The following GABRG2 variants were observed in gnomAD, a reference collection of about 807,000 sequenced individuals.
GABRG2 encodes the protein gamma-aminobutyric acid receptor subunit gamma-2.
A neutral mutation model predicts 56.4 loss-of-function variants in GABRG2; 16 were observed. That is an observed-to-expected ratio of 0.28 (90% CI 0.19 to 0.43). GABRG2 has a LOEUF of 0.43. GABRG2 is among the 20% of genes least tolerant of loss of function. The pLI, the probability that GABRG2 is intolerant of heterozygous loss-of-function variation, is 1.00. For missense variants in GABRG2, 327 were observed against 582.7 expected (o/e 0.56, Z 4.52); for synonymous variants, 208 against 205.5 (o/e 1.01, Z -0.10).
chr5:162,079,416 A>T (rs1025907753), intron 1 of GABRG2, among the ~76,000 whole-genome samples: 1 of 151,912 alleles, frequency 6.6e-6, no homozygotes, highest in African/African-American at 2.4e-5. Context: ...AAAATTAGAG[A>T]TTGTAGTTTA....
intron 8 of GABRG2, chr5:162,150,321 A>G (rs956857592): frequency 3.9e-5 from 6 of 152,218 alleles, no homozygotes; most frequent in African/African-American, 1.4e-4. Flanking sequence ...GTTGGTGATG[A>G]TAGTTGATTT....
chr5:162,113,536 A>G (rs1253138846), intron 6 of GABRG2, among the ~76,000 whole-genome samples: 1 of 152,200 alleles, frequency 6.6e-6, no homozygotes, highest in Non-Finnish European at 1.5e-5. Context: ...CTTTCTTTAG[A>G]AACACTGGAG....
intron 1 of GABRG2, among the ~76,000 whole-genome samples, chr5:162,080,675 T>TA (rs2113194286): frequency 6.6e-6 from 1 of 152,244 alleles, no homozygotes; most frequent in East Asian, 1.9e-4. Context: ...AAAGTGTACC[T>TA]ATATGATCTG....
At chr5:162,089,629 A>C (rs1760408249) in intron 1 of GABRG2, among the ~76,000 whole-genome samples, 1 of 152,202 alleles carries the variant, frequency 6.6e-6, no homozygotes, top group African/African-American at 2.4e-5. Flanking sequence ...GAAACATTAA[A>C]AATATAAAAA....
chr5:162,109,518 C>T (rs1338739168), intron 6 of GABRG2, among the ~76,000 whole-genome samples: 1 of 150,566 alleles, frequency 6.6e-6, no homozygotes, highest in Non-Finnish European at 1.5e-5. Flanking sequence ...ACTACATAAG[C>T]TTCACAACAG....
At chr5:162,118,147 G>C (rs1359163384) in intron 6 of GABRG2, among the ~76,000 whole-genome samples, 1 of 151,236 alleles carries the variant, frequency 6.6e-6, no homozygotes, top group East Asian at 1.9e-4. Flanking sequence ...TGCCATCCAT[G>C]GTAGTTTTAT....
chr5:162,140,321 A>C (rs1764463902), intron 6 of GABRG2, among the ~76,000 whole-genome samples: 3 of 152,192 alleles, frequency 2.0e-5, no homozygotes, highest in Admixed American at 1.3e-4. Context: ...CAATCTAACA[A>C]AAGGCAGTGT....
upstream of GABRG2, chr5:162,067,522 G>A (rs976784955): frequency 2.3e-6 from 1 of 431,192 alleles, no homozygotes; most frequent in Non-Finnish European, 4.1e-6. Context: ...AGAGTCTCTA[G>A]TGATTTTTTT....
At chr5:162,081,492 A>G (rs2113200958) in intron 1 of GABRG2, among the ~76,000 whole-genome samples, 1 of 152,052 alleles carries the variant, frequency 6.6e-6, no homozygotes, top group South Asian at 2.1e-4. Flanking sequence ...ACAAAAGCAA[A>G]CAACAACAAC....
At chr5:162,108,421 G>A (rs1761991363) in intron 6 of GABRG2, among the ~76,000 whole-genome samples, 1 of 152,150 alleles carries the variant, frequency 6.6e-6, no homozygotes, top group Non-Finnish European at 1.5e-5. Context: ...TAACTAACCA[G>A]TCTTACACTC....
rs3797862 is a variant in GABRG2 at position 162,072,404 on chromosome 5, A to T, written c.107+4298A>T. 1.9e-3 allele frequency among the ~76,000 whole-genome samples: 289 copies of T among 152,136 alleles called. 3 individuals are homozygous for T. In the East Asian group the frequency reaches 0.027, roughly 14 times the overall value. On this transcript the variant is annotated intron_variant, in intron 1 of 9. Coordinates refer to ENST00000639213, the MANE Select transcript of GABRG2 (RefSeq NM_198904.4). The stretch of plus-strand genomic sequence containing the variant: ...TCTGCCAAATTGGCTGATTAAGAAG[A>T]TTGAATTATAATGAAAAGTTATAAT...
At chr5:162,073,229 G>T (rs1022227320) in intron 1 of GABRG2, among the ~76,000 whole-genome samples, 9 of 151,220 alleles carry the variant, frequency 6.0e-5, no homozygotes, top group African/African-American at 2.2e-4. Context: ...TTGATTGAAA[G>T]GTCTAGACAG....
At position 162,090,251 on chromosome 5, in the gene GABRG2, T is replaced by C. The variant is rs143855173; in HGVS notation, c.108-3577T>C. ...TTTAAAAAAAACCCATCCCAACACATACACATACACGTACACGTACACGTA... is the reference window on the plus strand; with the variant it reads ...TTTAAAAAAAACCCATCCCAACACACACACATACACGTACACGTACACGTA... On this transcript the variant is annotated intron_variant, in intron 1 of 9. Coordinates refer to ENST00000639213, the MANE Select transcript of GABRG2 (RefSeq NM_198904.4). 5.5e-4 allele frequency among the ~76,000 whole-genome samples: 83 copies of C among 151,880 alleles called. No individual in the cohort carries two copies. The East Asian group carries it at 0.013, about 23-fold the overall frequency.
chr5:162,123,852 C>T (rs1763138982), intron 6 of GABRG2, among the ~76,000 whole-genome samples: 1 of 151,852 alleles, frequency 6.6e-6, no homozygotes, highest in Admixed American at 6.6e-5. Context: ...TGTCCATAAC[C>T]ACTGTGTTAA....
At chr5:162,114,848 G>A (rs1449582783) in intron 6 of GABRG2, among the ~76,000 whole-genome samples, 1 of 152,136 alleles carries the variant, frequency 6.6e-6, no homozygotes, top group Admixed American at 6.6e-5. Flanking sequence ...TCTATATATG[G>A]ACATCTGTGC....
chr5:162,070,392 T>C (rs1758576643), intron 1 of GABRG2, among the ~76,000 whole-genome samples: 1 of 152,036 alleles, frequency 6.6e-6, no homozygotes, highest in Non-Finnish European at 1.5e-5. Context: ...AATAGAAGCT[T>C]TGATTTATAA....
chr5:162,107,140 G>A (rs184135), intron 6 of GABRG2, among the ~76,000 whole-genome samples: 124,476 of 152,010 alleles, frequency 0.82, 51,085 homozygotes, highest in Admixed American at 0.85. Context: ...CTTGATAGGG[G>A]TAGTGGCTTC....
intron 1 of GABRG2, among the ~76,000 whole-genome samples, chr5:162,090,638 C>T (rs1760499545): frequency 6.6e-6 from 1 of 152,024 alleles, no homozygotes; most frequent in Non-Finnish European, 1.5e-5. Context: ...ACTCAGATGA[C>T]AAAAATGTTT....
At chr5:162,102,948 A>C (rs1761544776) in intron 5 of GABRG2, 1 of 156,516 alleles carries the variant, frequency 6.4e-6, no homozygotes, top group African/African-American at 2.4e-5. Flanking sequence ...GTTCATAATC[A>C]AACTAATCTT....
Sources: gnomAD v4.1 joint callset for allele counts (sites outside exome capture counted in the v4.1 genomes callset) on GRCh38, gnomAD v4.1.1 for gene constraint, MANE v1.5 for transcripts, NCBI Gene and HGNC (gene_info 2026-07-23, HGNC 2026-07-21) for gene names.